SMARCB1: variants seen among roughly 807,000 people sequenced by gnomAD.
SMARCB1 encodes the protein SWI/SNF-related matrix-associated actin-dependent regulator of chromatin subfamily B member 1.
In SMARCB1, 5 loss-of-function variants were observed where a neutral mutation model predicts 49.0. The observed-to-expected ratio is 0.10, with a 90% confidence interval of 0.05 to 0.21. The LOEUF is 0.21. Among genes scored for constraint, SMARCB1 ranks in the 10% least tolerant of loss-of-function variants. SMARCB1 has a pLI of 1.00. For missense variants in SMARCB1, 226 were observed against 509.2 expected (o/e 0.44, Z 5.35); for synonymous variants, 201 against 200.1 (o/e 1.00, Z -0.04).
At position 23,835,779 on chromosome 22, in the gene SMARCB1, T is replaced by TG; in HGVS notation, c.*1605dup. 7.1e-6 allele frequency: 7 copies of TG among 985,408 alleles called. No individual in the cohort carries two copies. The highest frequency in any genetic ancestry group is 8.4e-6 in the Non-Finnish European group (7 of 829,918). 61.0% of individuals were successfully genotyped at this position (985,408 alleles called of 1,614,324 possible). The stretch of plus-strand genomic sequence containing the variant: ...TGAGGCAGCCCTGTGTCTCCACAAC[T>TG]GGGGGGATGGAAGGAACCTTGGCTG... On this transcript the variant is annotated 3_prime_UTR_variant, in exon 9 of 9. Coordinates refer to ENST00000644036, the MANE Select transcript of SMARCB1 (RefSeq NM_003073.5).
chr22:23,811,874 A>AG (rs1929887779), intron 5 of SMARCB1, among the ~76,000 whole-genome samples: 1 of 152,248 alleles, frequency 6.6e-6, no homozygotes, highest in South Asian at 2.1e-4. Flanking sequence ...CAAACAATAG[A>AG]GAAAATTAAT....
In SMARCB1 at chr22:23,798,847, G is replaced by T. The variant is rs574748925; in HGVS notation, c.363-2097G>T. 3.1e-3 allele frequency among the ~76,000 whole-genome samples: 468 copies of T among 152,110 alleles called. 3 individuals are homozygous for T. The highest frequency in any genetic ancestry group is 0.022 in the South Asian group (108 of 4,816). On this transcript the variant is annotated intron_variant, in intron 3 of 8. Transcript: ENST00000644036. ...GGGCGGATCACAAGGTCAGGAGATC[G>T]AGACCATCCTGGCTAACAGGGTGAA...
chr22:23,808,960 A>G (rs542980632), intron 5 of SMARCB1, among the ~76,000 whole-genome samples: 1 of 151,642 alleles, frequency 6.6e-6, no homozygotes, highest in African/African-American at 2.4e-5. Context: ...GGCCTCCTAA[A>G]GTGCTGGGAT....
chr22:23,820,576 A>G (rs1478912273), intron 6 of SMARCB1, among the ~76,000 whole-genome samples: 3 of 152,248 alleles, frequency 2.0e-5, no homozygotes, highest in Non-Finnish European at 2.9e-5. Flanking sequence ...TGACTCAGTC[A>G]GTCAATCAGT....
At chr22:23,792,237 T>A (rs1307521618) in intron 2 of SMARCB1, 2 of 364,870 alleles carry the variant, frequency 5.5e-6, no homozygotes, top group Non-Finnish European at 1.1e-5. Flanking sequence ...TCATCTTCCA[T>A]GCAGCCCAAG....
At chr22:23,812,659 G>A (rs1929950528) in intron 5 of SMARCB1, among the ~76,000 whole-genome samples, 1 of 152,146 alleles carries the variant, frequency 6.6e-6, no homozygotes, top group Non-Finnish European at 1.5e-5. Context: ...AGGGATGGAA[G>A]GCTGGGTCAA....
chr22:23,827,043 G>A (rs890810049), intron 7 of SMARCB1, among the ~76,000 whole-genome samples: 6 of 152,194 alleles, frequency 3.9e-5, no homozygotes, highest in African/African-American at 1.2e-4. Context: ...CCCTATGGCC[G>A]GAGAGCCAGT....
chr22:23,816,288 G>C (rs1192732331), intron 5 of SMARCB1: 2 of 227,162 alleles, frequency 8.8e-6, no homozygotes, highest in South Asian at 1.4e-4. Context: ...AGGCCCTGCT[G>C]CTGCTACTGC....
chr22:23,819,949 C>T (rs986117616), intron 6 of SMARCB1, among the ~76,000 whole-genome samples: 1 of 152,098 alleles, frequency 6.6e-6, no homozygotes, highest in African/African-American at 2.4e-5. Context: ...GCTTCAGCCT[C>T]TCGAGGAGGA....
Position 23,835,989 on chromosome 22 carries a change from G to T in SMARCB1, c.*1809G>T, listed in dbSNP as rs1171246977. On this transcript the variant is annotated 3_prime_UTR_variant, in exon 9 of 9. Coordinates refer to ENST00000644036, the MANE Select transcript of SMARCB1 (RefSeq NM_003073.5). The stretch of plus-strand genomic sequence containing the variant: ...AAAATGACAACCTGTCTTTGGAGGA[G>T]GCCCCGTGCCACTGAGCATCCAGAA... The T allele has an allele frequency of 3.0e-6, 3 of 985,376 alleles. No homozygotes were observed. The East Asian group carries it at 3.4e-4, about 112-fold the overall frequency. 61.0% of individuals were successfully genotyped at this position (985,376 alleles called of 1,614,324 possible). A position where few individuals can be genotyped will look rare whatever the true frequency, so the allele number is the denominator to read the frequency against.
At chr22:23,807,742 G>A (rs1157365963) in intron 5 of SMARCB1, among the ~76,000 whole-genome samples, 1 of 151,508 alleles carries the variant, frequency 6.6e-6, no homozygotes, top group African/African-American at 2.4e-5. Context: ...AGAGAAAAAG[G>A]ACAACTTACC....
In SMARCB1 at chr22:23,834,287, G is replaced by C; in HGVS notation, c.*107G>C. 1 of 1,281,442 alleles carries C rather than the reference G, an allele frequency of 7.8e-7. No individual in the cohort carries two copies. The highest frequency in any genetic ancestry group is 1.1e-6 in the Non-Finnish European group (1 of 911,272). The allele number at this position is 1,281,442 out of a possible 1,614,324, so 79.4% of individuals were successfully genotyped here. A position where few individuals can be genotyped will look rare whatever the true frequency, so the allele number is the denominator to read the frequency against. On this transcript the variant is annotated 3_prime_UTR_variant, in exon 9 of 9. Transcript: ENST00000644036. ...CGAGGGGACAGCCCAGCGCCATCCT[G>C]AGGATCGGGTGGGGGTGGAGTGGGG...
At position 23,834,372 on chromosome 22, in the gene SMARCB1, A is replaced by ACCCCCCCCCCC; in HGVS notation, c.*196_*197insCCCCCCCCCCC. 12 of 388,620 alleles carry ACCCCCCCCCCC rather than the reference A, an allele frequency of 3.1e-5. No homozygotes were observed. Among genetic ancestry groups the ACCCCCCCCCCC allele is most frequent in the South Asian group, 5.0e-5 (2 of 39,978 alleles). The allele number at this position is 388,620 out of a possible 1,614,324, so 24.1% of individuals were successfully genotyped here. On this transcript the variant is annotated 3_prime_UTR_variant, in exon 9 of 9. Transcript: ENST00000644036. ...TTGTTGAGCCCCAGTCCTGCCCCCCACCCCACCCTCCCTACCCCTCCCCAG... is the reference window on the plus strand; with the variant it reads ...TTGTTGAGCCCCAGTCCTGCCCCCCACCCCCCCCCCCCCCCACCCTCCCTACCCCTCCCCAG...
At position 23,817,045 on chromosome 22, in the gene SMARCB1, C is replaced by T. The variant is rs1321529843; in HGVS notation, c.795+109C>T. 3 of 877,212 alleles carry T rather than the reference C, an allele frequency of 3.4e-6. No individual in the cohort carries two copies. In the South Asian group the frequency reaches 4.2e-5, roughly 12 times the overall value. The allele number at this position is 877,212 out of a possible 1,614,324, so 54.3% of individuals were successfully genotyped here. A position where few individuals can be genotyped will look rare whatever the true frequency, so the allele number is the denominator to read the frequency against. ...CTCAGCAGAAGCCCGTCTTTGGGTT[C>T]CATATCATCTGGAAAGTCATAACAC... is the stretch of plus-strand genomic sequence containing the variant. On this transcript the variant is annotated intron_variant, in intron 6 of 8. Coordinates refer to ENST00000644036, the MANE Select transcript of SMARCB1 (RefSeq NM_003073.5).
intron 2 of SMARCB1, 90 bp from the exon 3 acceptor site, chr22:23,793,469 G>T (rs1441041061): frequency 1.9e-5 from 26 of 1,382,866 alleles, no homozygotes; most frequent in Non-Finnish European, 2.3e-5. Flanking sequence ...CCTCCCGCAT[G>T]CGAGGACCTT....
At chr22:23,793,884 C>T (rs560015485) in intron 3 of SMARCB1, among the ~76,000 whole-genome samples, 196 bp downstream of exon 3, 5 of 150,582 alleles carry the variant, frequency 3.3e-5, no homozygotes, top group East Asian at 3.9e-4. Context: ...CAGGTTCAAG[C>T]GATTCTCCTG....
intron 6 of SMARCB1, among the ~76,000 whole-genome samples, chr22:23,822,796 A>G (rs2030161197): frequency 6.6e-6 from 1 of 151,404 alleles, no homozygotes; most frequent in Non-Finnish European, 1.5e-5. Context: ...ACTTCTTCCT[A>G]AAGGCCACCT....
intron 5 of SMARCB1, among the ~76,000 whole-genome samples, chr22:23,806,072 T>C (rs951592129): frequency 2.0e-5 from 3 of 152,182 alleles, no homozygotes; most frequent in Non-Finnish European, 4.4e-5. Flanking sequence ...GTACTCAGCT[T>C]TTATTTGGTG....
chr22:23,808,167 C>G (rs2145991789), intron 5 of SMARCB1, among the ~76,000 whole-genome samples: 1 of 149,832 alleles, frequency 6.7e-6, no homozygotes, highest in South Asian at 2.1e-4. Flanking sequence ...GTCGCCCACT[C>G]TGGAGTGCAG....
Sources: allele counts gnomAD v4.1 joint callset (sites outside exome capture counted in the v4.1 genomes callset), GRCh38; gene constraint gnomAD v4.1.1; transcripts MANE v1.5; gene names NCBI Gene and HGNC (gene_info 2026-07-23, HGNC 2026-07-21).